The following ITGB6 variants were observed in gnomAD, a reference collection of about 807,000 sequenced individuals.
ITGB6 encodes the protein integrin subunit beta 6, also known as integrin beta-6.
ITGB6 carries 80 observed loss-of-function variants against 84.5 expected under a neutral mutation model. The ratio of observed to expected loss-of-function variants is 0.95; its 90% CI spans 0.79 to 1.14. The LOEUF (loss-of-function observed/expected upper bound fraction) is 1.14, where lower values mean the gene tolerates loss of function less well. Among genes scored for constraint, ITGB6 ranks in the 50% most tolerant of loss-of-function variants. The pLI is 0.00. For missense variants in ITGB6, 1,006 were observed against 968.0 expected (o/e 1.04, Z -0.52); for synonymous variants, 383 against 354.9 (o/e 1.08, Z -0.89).
At chr2:160,175,750 T>C (rs1288572535) in intron 4 of ITGB6, among the ~76,000 whole-genome samples, 1 of 152,238 alleles carries the variant, frequency 6.6e-6, no homozygotes, top group Non-Finnish European at 1.5e-5. Context: ...ATCTATTACA[T>C]GTGGCGTCTT....
At chr2:160,154,982 G>A (rs1684570055) in intron 7 of ITGB6, among the ~76,000 whole-genome samples, 1 of 152,252 alleles carries the variant, frequency 6.6e-6, no homozygotes, top group East Asian at 1.9e-4. Context: ...TCGTGATAGT[G>A]AGTGAGGTCT....
chr2:160,195,557 C>T lies in ITGB6; in HGVS notation c.405G>A (p.Leu135=). The T allele has an allele frequency of 6.2e-7, 1 of 1,614,130 alleles. No individual in the cohort carries two copies. Among genetic ancestry groups the T allele is most frequent in the Non-Finnish European group, 8.5e-7 (1 of 1,179,998 alleles). The change falls in exon 4 of 15, where the codon TTG becomes TTA. Residue 135 remains leucine, a synonymous_variant. Coordinates refer to ENST00000283249, the MANE Select transcript of ITGB6 (RefSeq NM_000888.5). Reference sequence around the variant, plus strand: ...AGGCGGAGAGGTCCATGAGGTAATACAAATCCACCGGGTAGTCCTCAGTCT... The same window carrying T: ...AGGCGGAGAGGTCCATGAGGTAATATAAATCCACCGGGTAGTCCTCAGTCT... The part of the protein sequence containing the change: ...VRQTEDYPVD[L]YYLMDLSASM...
Position 160,142,017 on chromosome 2 carries a change from C to T in ITGB6, c.1072G>A (p.Gly358Arg), listed in dbSNP as rs769024553. The T allele has an allele frequency of 6.8e-6, 11 of 1,609,736 alleles. No homozygotes were observed. The highest frequency in any genetic ancestry group is 2.7e-5 in the African/African-American group (2 of 74,686). The change falls in exon 8 of 15, where the codon GGA (glycine) becomes AGA (arginine). Residue 358 changes from glycine (G) to arginine (R), a missense_variant. Gly to Arg is a moderately radical substitution (Grantham distance 125, BLOSUM62 -2). Coordinates refer to ENST00000283249, the MANE Select transcript of ITGB6 (RefSeq NM_000888.5). ...GAGATGATCAGCTGGAGAATGTTTC[C>T]GGAGTCCTTCTGAAGTAGACCTACT... is the stretch of plus-strand genomic sequence containing the variant. Reference protein sequence around the residue: ...ATVGLLQKDSGNILQLIISAY... With the variant: ...ATVGLLQKDSRNILQLIISAY...
At chr2:160,171,327 T>A (rs7603686) in intron 6 of ITGB6, among the ~76,000 whole-genome samples, 1 of 142,302 alleles carries the variant, frequency 7.0e-6, no homozygotes, top group Non-Finnish European at 1.5e-5. Flanking sequence ...GAAATCAAAT[T>A]TATTTTTTTA....
At chr2:160,179,084 A>C (rs1223138802) in intron 4 of ITGB6, 1 of 152,234 alleles carries the variant, frequency 6.6e-6, no homozygotes, top group East Asian at 1.9e-4. Context: ...GAGTCCCTAG[A>C]TAAAAAGAGA....
At chr2:160,160,944 C>T (rs924738672) in intron 7 of ITGB6, among the ~76,000 whole-genome samples, 1 of 152,122 alleles carries the variant, frequency 6.6e-6, no homozygotes, top group African/African-American at 2.4e-5. Context: ...CAGTTAGCAG[C>T]TCAGAGAGGA....
At position 160,199,204 on chromosome 2, in the gene ITGB6, G is replaced by T; in HGVS notation, c.116C>A (p.Pro39His). Residue 39 changes from proline (P) to histidine (H), a missense_variant, in exon 2 of 15, where the codon CCT becomes CAT. Pro to His is a moderately conservative substitution (Grantham distance 77). Transcript: ENST00000283249. ...ETCEDCLLIG[P>H]QCAWCAQENF... ...CTCCTGAGCACACCAGGCACACTGAGGTCCAATAAGCAGGCAGTCTTCACA... is the reference window on the plus strand; with the variant it reads ...CTCCTGAGCACACCAGGCACACTGATGTCCAATAAGCAGGCAGTCTTCACA... 6.2e-7 allele frequency: 1 copy of T among 1,614,036 alleles called. No individual in the cohort carries two copies. Among genetic ancestry groups the T allele is most frequent in the Non-Finnish European group, 8.5e-7 (1 of 1,179,950 alleles).
At chr2:160,181,990 A>G (rs763466198) in intron 4 of ITGB6, among the ~76,000 whole-genome samples, 38 of 152,232 alleles carry the variant, frequency 2.5e-4, no homozygotes, top group Non-Finnish European at 5.3e-4. Context: ...TCCGAAGGTT[A>G]CCAACATAAA....
intron 4 of ITGB6, among the ~76,000 whole-genome samples, chr2:160,181,405 G>A (rs192485708): frequency 6.6e-4 from 100 of 152,310 alleles, no homozygotes; most frequent in African/African-American, 1.3e-3. Context: ...ACCGCAGCTC[G>A]GCAAAGCCTC....
intron 4 of ITGB6, among the ~76,000 whole-genome samples, chr2:160,194,114 G>GCC (rs1461757691): frequency 6.6e-6 from 1 of 152,118 alleles, no homozygotes; most frequent in African/African-American, 2.4e-5. Flanking sequence ...CCGAGATCAT[G>GCC]CCACAGCACT....
At chr2:160,189,959 G>A (rs1035546482) in intron 4 of ITGB6, among the ~76,000 whole-genome samples, 2 of 152,050 alleles carry the variant, frequency 1.3e-5, no homozygotes, top group Admixed American at 6.6e-5. Context: ...CACCCCAAAT[G>A]TCCAACAATG....
chr2:160,118,617 C>A (rs897538332), intron 12 of ITGB6, among the ~76,000 whole-genome samples: 1 of 152,066 alleles, frequency 6.6e-6, no homozygotes, highest in African/African-American at 2.4e-5. Context: ...GACAGGGATG[C>A]CCTGTCTCAC....
chr2:160,193,234 T>C (rs1018288387), intron 4 of ITGB6, among the ~76,000 whole-genome samples: 1 of 152,104 alleles, frequency 6.6e-6, no homozygotes, highest in Non-Finnish European at 1.5e-5. Context: ...ACAACCCAAA[T>C]GTCCACCAAT....
At chr2:160,149,851 G>T (rs1176280809) in intron 7 of ITGB6, among the ~76,000 whole-genome samples, 1 of 152,116 alleles carries the variant, frequency 6.6e-6, no homozygotes, top group Non-Finnish European at 1.5e-5. Context: ...GGAAGAAAGG[G>T]TATCAGTGAT....
intron 10 of ITGB6, among the ~76,000 whole-genome samples, chr2:160,132,904 C>T (rs958237829): frequency 6.6e-6 from 1 of 152,026 alleles, no homozygotes; most frequent in African/African-American, 2.4e-5. Context: ...TAGGCTTTTT[C>T]ACACATGCAG....
chr2:160,186,054 G>C (rs1015794003), intron 4 of ITGB6, among the ~76,000 whole-genome samples: 5 of 152,038 alleles, frequency 3.3e-5, no homozygotes. Flanking sequence ...TCAGAACATA[G>C]GCATGGGCAA....
chr2:160,181,795 A>G (rs1472118654), intron 4 of ITGB6, among the ~76,000 whole-genome samples: 1 of 152,222 alleles, frequency 6.6e-6, no homozygotes. Context: ...AGGAAGGAAC[A>G]GGCAGCATTC....
chr2:160,107,063 T>G (rs951791722), intron 14 of ITGB6, among the ~76,000 whole-genome samples: 1 of 152,196 alleles, frequency 6.6e-6, no homozygotes, highest in African/African-American at 2.4e-5. Flanking sequence ...GATTGCCTCT[T>G]GTGAAGAGAA....
intron 10 of ITGB6, among the ~76,000 whole-genome samples, chr2:160,136,940 T>C (rs950665691): frequency 6.6e-6 from 1 of 151,384 alleles, no homozygotes; most frequent in African/African-American, 2.4e-5. Context: ...TTAGGAGATA[T>C]ACCTAATGTT....
Sources: gnomAD v4.1 joint callset for allele counts (sites outside exome capture counted in the v4.1 genomes callset) on GRCh38, gnomAD v4.1.1 for gene constraint, MANE v1.5 for transcripts, NCBI Gene and HGNC (gene_info 2026-07-23, HGNC 2026-07-21) for gene names.